PCDHA6: variants seen among roughly 807,000 people sequenced by gnomAD.
PCDHA6 encodes protocadherin alpha 6.
PCDHA6 carries 55 observed loss-of-function variants against 60.3 expected under a neutral mutation model. The observed-to-expected ratio is 0.91, with a 90% confidence interval of 0.73 to 1.14. The LOEUF is 1.14. PCDHA6 is among the 50% of genes most tolerant of loss of function. PCDHA6 has a pLI of 0.00. For missense variants in PCDHA6, 1,327 were observed against 1,256.5 expected (o/e 1.06, Z -0.85); for synonymous variants, 652 against 557.9 (o/e 1.17, Z -2.38).
intron 3 of PCDHA6, among the ~76,000 whole-genome samples, chr5:140,983,637 T>G (rs1306208906): frequency 6.6e-6 from 1 of 152,232 alleles, no homozygotes; most frequent in Non-Finnish European, 1.5e-5. Context: ...TGTACCCAAG[T>G]TCACGTAGCT....
At chr5:140,850,541 G>A (rs1554144490) in intron 1 of PCDHA6, 2 of 1,598,272 alleles carry the variant, frequency 1.3e-6, no homozygotes, top group Non-Finnish European at 1.7e-6. Flanking sequence ...CGTCGCGGGC[G>A]TCAGTGGGTG....
At position 140,932,324 on chromosome 5, in the gene PCDHA6, A is replaced by C. The variant is rs188019504; in HGVS notation, c.2395-46625A>C. On this transcript the variant is annotated intron_variant, in intron 1 of 3. Coordinates refer to ENST00000529310, the MANE Select transcript of PCDHA6 (RefSeq NM_018909.4). Reference sequence around the variant, plus strand: ...AAAGGTATAAATATATTAATGTAGCAAAAATGCATGAAACACTTACCATAC... The same window carrying C: ...AAAGGTATAAATATATTAATGTAGCCAAAATGCATGAAACACTTACCATAC... Among the ~76,000 whole-genome samples the C allele has an allele frequency of 5.8e-3, 886 of 152,084 alleles. 7 individuals are homozygous for C. The highest frequency in any genetic ancestry group is 0.021 in the African/African-American group (858 of 41,564).
chr5:140,931,188 G>A (rs782167226), intron 1 of PCDHA6, among the ~76,000 whole-genome samples: 1 of 152,126 alleles, frequency 6.6e-6, no homozygotes, highest in South Asian at 2.1e-4. Flanking sequence ...GGAAATTGGT[G>A]CACTACAATG....
At chr5:140,920,828 G>A (rs1482219421) in intron 1 of PCDHA6, among the ~76,000 whole-genome samples, 4 of 147,976 alleles carry the variant, frequency 2.7e-5, no homozygotes, top group African/African-American at 1.0e-4. Context: ...TGGCGACGGA[G>A]CAAGACCAAA....
At chr5:140,997,670 G>A (rs1587757819) in intron 3 of PCDHA6, among the ~76,000 whole-genome samples, 1 of 79,680 alleles carries the variant, frequency 1.3e-5, no homozygotes, top group Non-Finnish European at 2.9e-5. Flanking sequence ...TATACAGCTT[G>A]TGTGTGTGTG....
At chr5:140,975,068 C>T (rs1273763502) in intron 1 of PCDHA6, among the ~76,000 whole-genome samples, 4 of 152,134 alleles carry the variant, frequency 2.6e-5, no homozygotes, top group African/African-American at 9.7e-5. Flanking sequence ...CGAGCTCATT[C>T]AGATTGTTGG....
In PCDHA6 at chr5:140,950,041, A is replaced by G. The variant is rs139296187; in HGVS notation, c.2395-28908A>G. Among the ~76,000 whole-genome samples, 1,151 of 152,070 alleles carry G rather than the reference A, an allele frequency of 7.6e-3. 13 individuals carry two copies. The highest frequency in any genetic ancestry group is 0.01 in the Non-Finnish European group (711 of 67,812). On this transcript the variant is annotated intron_variant, in intron 1 of 3. Transcript: ENST00000529310. ...CATAAAATATAGAAAAGTTACAACC[A>G]TATAAGACTATTTAGCTCTTCCTGT... is the stretch of plus-strand genomic sequence containing the variant.
chr5:140,990,555 G>C (rs1176257375), intron 3 of PCDHA6, among the ~76,000 whole-genome samples: 1 of 152,130 alleles, frequency 6.6e-6, no homozygotes, highest in African/African-American at 2.4e-5. Context: ...TATTACCCAA[G>C]AACACACACC....
At chr5:140,918,889 A>C (rs1057244376) in intron 1 of PCDHA6, among the ~76,000 whole-genome samples, 5 of 152,218 alleles carry the variant, frequency 3.3e-5, no homozygotes, top group African/African-American at 4.8e-5. Context: ...GAACAGTGAA[A>C]AATAAATCTC....
At chr5:140,843,527 A>C (rs2150362053) in intron 1 of PCDHA6, 2 of 1,595,944 alleles carry the variant, frequency 1.3e-6, no homozygotes, top group Non-Finnish European at 1.7e-6. Context: ...CCGGGCGGGC[A>C]AGCCCACTCT....
At chr5:140,895,525 T>G (rs1172545825) in intron 1 of PCDHA6, among the ~76,000 whole-genome samples, 1 of 152,196 alleles carries the variant, frequency 6.6e-6, no homozygotes, top group Non-Finnish European at 1.5e-5. Context: ...GGTTTATTCG[T>G]TTTTCAATTG....
intron 1 of PCDHA6, chr5:140,877,640 G>T: frequency 6.2e-7 from 1 of 1,613,622 alleles, no homozygotes. Flanking sequence ...GCGCTGCGTT[G>T]CTCAGCGCCG....
chr5:140,850,745 C>T, intron 1 of PCDHA6: 1 of 1,597,954 alleles, frequency 6.3e-7, no homozygotes. Context: ...GTTGGTCGTA[C>T]TCGCAGCAGA....
intron 1 of PCDHA6, among the ~76,000 whole-genome samples, chr5:140,895,943 TG>T (rs1176755658): frequency 6.6e-6 from 1 of 152,148 alleles, no homozygotes; most frequent in Non-Finnish European, 1.5e-5. Flanking sequence ...CCCGAGTAGC[TG>T]GGATTACAGG....
intron 1 of PCDHA6, chr5:140,836,529 C>T (rs2150262984): frequency 6.2e-7 from 1 of 1,613,824 alleles, no homozygotes; most frequent in Admixed American, 1.7e-5. Flanking sequence ...GCTTACCCTG[C>T]TGCTGTACAC....
At chr5:140,841,916 T>A (rs1554138648) in intron 1 of PCDHA6, 11 of 1,613,792 alleles carry the variant, frequency 6.8e-6, no homozygotes, top group Non-Finnish European at 9.3e-6. Flanking sequence ...ATTAAGAAAA[T>A]CCTTGGACAG....
At chr5:140,954,577 A>T (rs1426426958) in intron 1 of PCDHA6, among the ~76,000 whole-genome samples, 2 of 151,954 alleles carry the variant, frequency 1.3e-5, no homozygotes, top group Non-Finnish European at 1.5e-5. Flanking sequence ...TTCTTTTCAG[A>T]AGTGTCTGTT....
chr5:140,853,285 A>G (rs2042696768), intron 1 of PCDHA6: 2 of 981,668 alleles, frequency 2.0e-6, no homozygotes, highest in Non-Finnish European at 2.5e-6. Flanking sequence ...TCATATGCAA[A>G]TTCTCAGAAG....
At chr5:140,967,989 T>G (rs781892084) in intron 1 of PCDHA6, 2 of 1,614,228 alleles carry the variant, frequency 1.2e-6, no homozygotes, top group Non-Finnish European at 1.7e-6. Flanking sequence ...GAGGCCACAC[T>G]GCCTTTCCGA....
Sources: allele counts gnomAD v4.1 joint callset (sites outside exome capture counted in the v4.1 genomes callset), GRCh38; gene constraint gnomAD v4.1.1; transcripts MANE v1.5; gene names NCBI Gene and HGNC (gene_info 2026-07-23, HGNC 2026-07-21).